The following SAMD4A variants were observed in gnomAD, a reference collection of about 807,000 sequenced individuals.
The protein encoded by SAMD4A is sterile alpha motif domain containing 4A, also known as protein Smaug homolog 1.
SAMD4A carries 33 observed loss-of-function variants against 81.3 expected under a neutral mutation model. That is an observed-to-expected ratio of 0.41 (90% CI 0.31 to 0.54). SAMD4A has a LOEUF of 0.54. Ranked by LOEUF, SAMD4A falls within the 20% of genes least tolerant of loss-of-function variation. SAMD4A has a pLI of 0.37. For missense variants in SAMD4A, 854 were observed against 951.1 expected (o/e 0.90, Z 1.34); for synonymous variants, 389 against 382.1 (o/e 1.02, Z -0.21).
intron 2 of SAMD4A, among the ~76,000 whole-genome samples, chr14:54,633,933 T>C (rs1367928070): frequency 1.3e-5 from 2 of 152,142 alleles, no homozygotes; most frequent in African/African-American, 4.8e-5. Flanking sequence ...GTCTGTCTTA[T>C]TACTGTGTCC....
chr14:54,610,179 G>T (rs778893168), intron 2 of SAMD4A, among the ~76,000 whole-genome samples: 1 of 152,112 alleles, frequency 6.6e-6, no homozygotes, highest in African/African-American at 2.4e-5. Context: ...AAATGAACAC[G>T]AGTTTTCGTA....
chr14:54,633,981 T>C (rs2034967479), intron 2 of SAMD4A, among the ~76,000 whole-genome samples: 1 of 152,134 alleles, frequency 6.6e-6, no homozygotes, highest in African/African-American at 2.4e-5. Flanking sequence ...TAATAGATAG[T>C]CACTAAATAT....
At chr14:54,651,077 A>T (rs531823933) in intron 2 of SAMD4A, among the ~76,000 whole-genome samples, 1 of 152,194 alleles carries the variant, frequency 6.6e-6, no homozygotes, top group Non-Finnish European at 1.5e-5. Context: ...TTCATGGTTT[A>T]GATGCCCTGG....
In SAMD4A at chr14:54,789,003, C is replaced by T; in HGVS notation, c.*59C>T. 1 of 1,575,550 alleles carries T rather than the reference C, an allele frequency of 6.3e-7. No homozygotes were observed. Among genetic ancestry groups the T allele is most frequent in the Non-Finnish European group, 8.7e-7 (1 of 1,144,958 alleles). On this transcript the variant is annotated 3_prime_UTR_variant, in exon 13 of 13. Transcript: ENST00000554335. ...AAATCGACTGCTGCGGGTCCAGTGTCCGCCATCTTCAGGGTTGCACAGAAT... is the reference window on the plus strand; with the variant it reads ...AAATCGACTGCTGCGGGTCCAGTGTTCGCCATCTTCAGGGTTGCACAGAAT...
chr14:54,778,233 C>T (rs747296487), intron 11 of SAMD4A, among the ~76,000 whole-genome samples: 3 of 152,210 alleles, frequency 2.0e-5, no homozygotes, highest in Non-Finnish European at 4.4e-5. Flanking sequence ...CTTCCCTGAG[C>T]TTTCTCCATC....
intron 3 of SAMD4A, among the ~76,000 whole-genome samples, chr14:54,729,123 G>C (rs2037496575): frequency 6.6e-6 from 1 of 152,064 alleles, no homozygotes; most frequent in African/African-American, 2.4e-5. Context: ...AGCGACTCTG[G>C]CCATCTCCTT....
rs774439417 is a variant in SAMD4A, at chr14:54,737,265, A to G, written c.957A>G (p.Gln319=). The G allele has an allele frequency of 5.6e-6, 9 of 1,614,154 alleles. No individual in the cohort carries two copies. The South Asian group carries it at 7.7e-5, about 14-fold the overall frequency. The change falls in exon 4 of 13, where the codon CAA becomes CAG. Residue 319 remains glutamine (Q), a synonymous_variant. Transcript: ENST00000554335. ...EDQTTARNTF[Q]EEGSGMKDVP... The stretch of plus-strand genomic sequence containing the variant: ...AGACCACTGCTCGTAACACATTCCA[A>G]GAAGAAGGTAGTGGGATGAAAGGTG...
chr14:54,606,567 G>A (rs1371951520), intron 2 of SAMD4A, among the ~76,000 whole-genome samples: 4 of 152,096 alleles, frequency 2.6e-5, no homozygotes, highest in Non-Finnish European at 4.4e-5. Flanking sequence ...AGGGCACAGG[G>A]GCCCTGTTTG....
chr14:54,572,610 T>A (rs1015625691), intron 2 of SAMD4A, among the ~76,000 whole-genome samples: 2 of 152,232 alleles, frequency 1.3e-5, no homozygotes, highest in South Asian at 4.1e-4. Flanking sequence ...ATTCTCCAGG[T>A]GCCCATCTAT....
At chr14:54,740,646 G>T (rs2037823081) in intron 4 of SAMD4A, among the ~76,000 whole-genome samples, 1 of 151,996 alleles carries the variant, frequency 6.6e-6, no homozygotes, top group African/African-American at 2.4e-5. Flanking sequence ...TGCCTCTTGG[G>T]TCAAGGGTAT....
At chr14:54,574,189 C>T (rs1463939336) in intron 2 of SAMD4A, among the ~76,000 whole-genome samples, 1 of 152,208 alleles carries the variant, frequency 6.6e-6, no homozygotes, top group Admixed American at 6.5e-5. Context: ...GTAGCTTACA[C>T]TCGAGTTGCA....
At chr14:54,781,992 G>A (rs372418021) in intron 11 of SAMD4A, among the ~76,000 whole-genome samples, 2 of 152,340 alleles carry the variant, frequency 1.3e-5, no homozygotes, top group East Asian at 3.9e-4. Context: ...GCCACTCGGA[G>A]TGTTGGGGGT....
rs144419250 is a variant in SAMD4A at position 54,633,805 on chromosome 14, G to C, written c.196+65693G>C. ...GAGAGTAATTTCACATTTTCATATG[G>C]TGGTTATGAATATATCACTTAACAT... On this transcript the variant is annotated intron_variant, in intron 2 of 12. Transcript: ENST00000554335. Among the ~76,000 whole-genome samples, 676 of 152,150 alleles carry C rather than the reference G, an allele frequency of 4.4e-3. 3 individuals are homozygous for C. Among genetic ancestry groups the C allele is most frequent in the South Asian group, 0.028 (135 of 4,820 alleles).
intron 11 of SAMD4A, among the ~76,000 whole-genome samples, chr14:54,783,174 AC>A (rs368703734): frequency 1.5e-4 from 22 of 151,264 alleles, no homozygotes; most frequent in African/African-American, 3.9e-4. Flanking sequence ...AAAAAAAAAA[AC>A]AAAAAGGATT....
chr14:54,618,921 A>C (rs548285350), intron 2 of SAMD4A, among the ~76,000 whole-genome samples: 157 of 152,320 alleles, frequency 1.0e-3, no homozygotes, highest in African/African-American at 3.4e-3. Context: ...GGCTAACTAT[A>C]TAGTAGGACT....
intron 6 of SAMD4A, among the ~76,000 whole-genome samples, chr14:54,755,991 T>A (rs1296697322): frequency 3.3e-5 from 5 of 152,152 alleles, no homozygotes; most frequent in Admixed American, 2.6e-4. Context: ...GAGAAAATGC[T>A]TCTCTGTAAG....
intron 4 of SAMD4A, among the ~76,000 whole-genome samples, chr14:54,745,427 G>A (rs1594889150): frequency 6.6e-6 from 1 of 152,124 alleles, no homozygotes; most frequent in East Asian, 1.9e-4. Context: ...TCCTAGTGGA[G>A]ACACCAAGTT....
intron 3 of SAMD4A, among the ~76,000 whole-genome samples, chr14:54,707,823 A>T (rs1224437962): frequency 6.6e-6 from 1 of 152,084 alleles, no homozygotes; most frequent in African/African-American, 2.4e-5. Context: ...CTGACTTGCT[A>T]GGGGGAAAAA....
chr14:54,594,627 AT>A (rs1180212744), intron 2 of SAMD4A, among the ~76,000 whole-genome samples: 1 of 152,206 alleles, frequency 6.6e-6, no homozygotes, highest in Non-Finnish European at 1.5e-5. Flanking sequence ...CCAAATTTTT[AT>A]TAGTATTCAG....
Sources: allele counts gnomAD v4.1 joint callset (sites outside exome capture counted in the v4.1 genomes callset), GRCh38; gene constraint gnomAD v4.1.1; transcripts MANE v1.5; gene names NCBI Gene and HGNC (gene_info 2026-07-23, HGNC 2026-07-21).